The following STXBP5L variants were observed in gnomAD, a reference collection of about 807,000 sequenced individuals.
STXBP5L encodes the protein syntaxin-binding protein 5-like.
A neutral mutation model predicts 144.5 loss-of-function variants in STXBP5L; 65 were observed. The ratio of observed to expected loss-of-function variants is 0.45; its 90% confidence interval spans 0.37 to 0.55. STXBP5L has a LOEUF of 0.55. Among genes scored for constraint, STXBP5L ranks in the 20% least tolerant of loss-of-function variants. The pLI is 0.00. For missense variants in STXBP5L, 1,298 were observed against 1,405.5 expected (o/e 0.92, Z 1.22); for synonymous variants, 505 against 469.6 (o/e 1.08, Z -0.97).
intron 22 of STXBP5L, among the ~76,000 whole-genome samples, chr3:121,391,607 C>T (rs1319232752): frequency 6.6e-6 from 1 of 152,006 alleles, no homozygotes; most frequent in Non-Finnish European, 1.5e-5. Flanking sequence ...TGATGCTATT[C>T]CTGTCTGTTA....
In STXBP5L at chr3:121,361,712, T is replaced by A. The variant is rs536147968; in HGVS notation, c.2177-17004T>A. 1.1e-4 allele frequency among the ~76,000 whole-genome samples: 17 copies of A among 152,198 alleles called. No homozygotes were observed. The South Asian group carries it at 3.3e-3, about 30-fold the overall frequency. On this transcript the variant is annotated intron_variant, in intron 20 of 26. Transcript: ENST00000471454. Reference sequence around the variant, plus strand: ...CCTTCCCTATGTTATCTCGAATTTTTTTTTTTAGTTTCCTCAACACAGCTA... The same window carrying A: ...CCTTCCCTATGTTATCTCGAATTTTATTTTTTAGTTTCCTCAACACAGCTA...
At chr3:120,953,749 T>A (rs569256808) in intron 2 of STXBP5L, among the ~76,000 whole-genome samples, 16 of 152,188 alleles carry the variant, frequency 1.1e-4, no homozygotes, top group Non-Finnish European at 1.9e-4. Context: ...AAAATTGTGT[T>A]CCTTGCAGAT....
At chr3:120,973,367 A>T (rs2107806390) in intron 3 of STXBP5L, among the ~76,000 whole-genome samples, 1 of 152,054 alleles carries the variant, frequency 6.6e-6, no homozygotes, top group East Asian at 1.9e-4. Context: ...AGAGGTGCTC[A>T]TAATGGTCTC....
At chr3:121,330,915 C>T (rs2044301893) in intron 20 of STXBP5L, among the ~76,000 whole-genome samples, 1 of 152,234 alleles carries the variant, frequency 6.6e-6, no homozygotes, top group Non-Finnish European at 1.5e-5. Context: ...TATCACTCGC[C>T]TGTCACCACC....
intron 11 of STXBP5L, among the ~76,000 whole-genome samples, chr3:121,226,953 A>G (rs2108299589): frequency 6.6e-6 from 1 of 152,304 alleles, no homozygotes; most frequent in South Asian, 2.1e-4. Context: ...TCTTGAAGAC[A>G]AGCATTTTAG....
chr3:121,056,339 A>G (rs1948458378), intron 5 of STXBP5L, among the ~76,000 whole-genome samples: 1 of 152,138 alleles, frequency 6.6e-6, no homozygotes. Context: ...GTGAAATTCA[A>G]ATGTAGGCTA....
chr3:120,973,435 C>A (rs1387431343), intron 3 of STXBP5L, among the ~76,000 whole-genome samples: 1 of 151,834 alleles, frequency 6.6e-6, no homozygotes, highest in Non-Finnish European at 1.5e-5. Flanking sequence ...ATTGCCATTT[C>A]TAATTATGCT....
intron 19 of STXBP5L, among the ~76,000 whole-genome samples, chr3:121,285,823 A>T (rs1283747935): frequency 6.6e-6 from 1 of 152,096 alleles, no homozygotes; most frequent in Non-Finnish European, 1.5e-5. Flanking sequence ...TACCTCCCTT[A>T]GAGAGTTGTA....
chr3:121,198,628 T>C (rs976110542), intron 9 of STXBP5L, among the ~76,000 whole-genome samples: 1 of 152,248 alleles, frequency 6.6e-6, no homozygotes. Context: ...GTCTTACATT[T>C]AAGTCTTTAA....
At chr3:120,958,747 A>T (rs1483352282) in intron 3 of STXBP5L, among the ~76,000 whole-genome samples, 1 of 152,216 alleles carries the variant, frequency 6.6e-6, no homozygotes, top group African/African-American at 2.4e-5. Context: ...TATTGATGGG[A>T]CGTATCTCTA....
At chr3:121,313,707 G>A (rs1365332363) in intron 19 of STXBP5L, among the ~76,000 whole-genome samples, 10 of 77,896 alleles carry the variant, frequency 1.3e-4, no homozygotes, top group Admixed American at 2.6e-4. Flanking sequence ...CTCACCTCCC[G>A]GACGGGGCGG....
intron 9 of STXBP5L, among the ~76,000 whole-genome samples, chr3:121,174,891 G>T (rs2046872639): frequency 6.6e-6 from 1 of 152,034 alleles, no homozygotes; most frequent in African/African-American, 2.4e-5. Context: ...TAACAAAACT[G>T]TCAATTTAGG....
intron 5 of STXBP5L, among the ~76,000 whole-genome samples, chr3:121,048,080 G>C (rs193242466): frequency 1.1e-3 from 165 of 152,246 alleles, no homozygotes; most frequent in African/African-American, 3.8e-3. Context: ...TATCGGGAAA[G>C]AATCTAATTT....
chr3:121,092,903 T>C (rs981191803), intron 5 of STXBP5L, among the ~76,000 whole-genome samples: 10 of 152,212 alleles, frequency 6.6e-5, no homozygotes, highest in African/African-American at 2.4e-4. Context: ...ATATTGGCTG[T>C]GGGTTTGTCA....
At chr3:121,259,284 G>T in intron 18 of STXBP5L, 116 bp downstream of exon 18, 1 of 735,106 alleles carries the variant, frequency 1.4e-6, no homozygotes, top group Non-Finnish European at 1.9e-6. Context: ...ATTTTTATTA[G>T]ATTAAACAAT....
At chr3:121,291,687 A>G (rs1191499769) in intron 19 of STXBP5L, among the ~76,000 whole-genome samples, 1 of 152,198 alleles carries the variant, frequency 6.6e-6, no homozygotes, top group Admixed American at 6.5e-5. Context: ...CCAAAACTTC[A>G]TGGTACTGAC....
chr3:121,122,212 AT>A (rs888085989), intron 7 of STXBP5L, among the ~76,000 whole-genome samples: 1 of 149,540 alleles, frequency 6.7e-6, no homozygotes, highest in Non-Finnish European at 1.5e-5. Context: ...AAAATTAGAT[AT>A]TTTTAATATT....
chr3:121,127,649 C>T (rs1293735942), intron 7 of STXBP5L, among the ~76,000 whole-genome samples: 1 of 151,618 alleles, frequency 6.6e-6, no homozygotes, highest in Non-Finnish European at 1.5e-5. Context: ...TCTTGAAATC[C>T]TTAACTAATT....
At chr3:121,335,519 C>G (rs184837175) in intron 20 of STXBP5L, among the ~76,000 whole-genome samples, 14 of 152,194 alleles carry the variant, frequency 9.2e-5, no homozygotes, top group South Asian at 2.1e-4. Context: ...AAGAACAAAA[C>G]TGGAAGCATC....
Sources: gnomAD v4.1 joint callset for allele counts (sites outside exome capture counted in the v4.1 genomes callset) on GRCh38, gnomAD v4.1.1 for gene constraint, MANE v1.5 for transcripts, NCBI Gene and HGNC (gene_info 2026-07-23, HGNC 2026-07-21) for gene names.